Variants in MAML2 observed in about 807,000 individuals in gnomAD.
MAML2 encodes the protein mastermind-like protein 2.
MAML2 carries 22 observed loss-of-function variants against 96.1 expected under a neutral mutation model. The ratio of observed to expected loss-of-function variants is 0.23; its 90% CI spans 0.16 to 0.33. The LOEUF (loss-of-function observed/expected upper bound fraction) is 0.33. Ranked by LOEUF, MAML2 falls within the 10% of genes least tolerant of loss-of-function variation. The pLI, the probability that MAML2 is intolerant of heterozygous loss-of-function variation, is 1.00. For synonymous variants in MAML2, 561 were observed against 521.3 expected, an observed-to-expected ratio of 1.08 and a Z score of -1.04; for missense variants, 1,367 against 1,392.4, an observed-to-expected ratio of 0.98 and a Z score of 0.29.
At chr11:96,211,504 GT>G (rs1217364866) in intron 1 of MAML2, among the ~76,000 whole-genome samples, 7 of 151,442 alleles carry the variant, frequency 4.6e-5, no homozygotes, top group Non-Finnish European at 1.0e-4. Flanking sequence ...AGTCTGTTGG[GT>G]GAGACAGATG....
rs532347512 is a variant in MAML2, at chr11:96,048,079, T to C, written c.2139+43813A>G. 5.3e-5 allele frequency among the ~76,000 whole-genome samples: 8 copies of C among 151,988 alleles called. No homozygotes were observed. In the East Asian group the frequency reaches 1.5e-3, roughly 29 times the overall value. ...TTTGAGAAGCCAAGACGTTTTAGGG[T>C]TCATACCCACTCTGTGCTATCTCCA... On this transcript the variant is annotated intron_variant, in intron 2 of 4. Coordinates refer to ENST00000524717, the MANE Select transcript of MAML2 (RefSeq NM_032427.4).
At chr11:96,295,079 C>T (rs1863272240) in intron 1 of MAML2, among the ~76,000 whole-genome samples, 2 of 152,272 alleles carry the variant, frequency 1.3e-5, no homozygotes, top group South Asian at 4.1e-4. Flanking sequence ...ATGATCTTGC[C>T]TCTGCTAAAC....
At chr11:96,043,047 C>A (rs1169102721) in intron 2 of MAML2, among the ~76,000 whole-genome samples, 1 of 152,056 alleles carries the variant, frequency 6.6e-6, no homozygotes, top group Non-Finnish European at 1.5e-5. Context: ...CCCGGCGAAT[C>A]CTTAACATTC....
chr11:96,229,014 G>A (rs546095198), intron 1 of MAML2, among the ~76,000 whole-genome samples: 2 of 151,558 alleles, frequency 1.3e-5, no homozygotes, highest in African/African-American at 4.9e-5. Context: ...CTGAGGCATA[G>A]CTTTGTAGAA....
rs61749254 is a variant in MAML2 at position 96,093,510 on chromosome 11, C to A, written c.521G>T (p.Gly174Val). 3.8e-6 allele frequency: 6 copies of A among 1,593,006 alleles called. No individual in the cohort carries two copies. Among genetic ancestry groups the A allele is most frequent in the South Asian group, 1.1e-5 (1 of 87,456 alleles). Reference sequence around the variant, plus strand: ...AACTACCTGTTTTCTTTTCAAGGAACCCTGGAGCTGAAAGACAGAAGGGAA... The same window carrying A: ...AACTACCTGTTTTCTTTTCAAGGAAACCTGGAGCTGAAAGACAGAAGGGAA... ...QRNSALIALQ[G>V]SLKRKQVVNL... Residue 174 changes from glycine (G) to valine (V), a missense_variant, in exon 2 of 5, where the codon GGT becomes GTT. Gly to Val is a moderately radical substitution (Grantham distance 109). Coordinates refer to ENST00000524717, the MANE Select transcript of MAML2 (RefSeq NM_032427.4).
At chr11:96,299,706 C>T (rs1034606258) in intron 1 of MAML2, among the ~76,000 whole-genome samples, 41 of 152,322 alleles carry the variant, frequency 2.7e-4, no homozygotes, top group African/African-American at 6.7e-4. Flanking sequence ...GTTGTCCAAA[C>T]GCTCAGAGGC....
Position 96,272,191 on chromosome 11 carries a change from T to G in MAML2, c.513+69192A>C, listed in dbSNP as rs1482362795. On this transcript the variant is annotated intron_variant, in intron 1 of 4. Transcript: ENST00000524717. ...CCTATGCATTGTACTTGTGTTGTGT[T>G]GTGTTTTCTCTGCTAGAATGTAAGC... Among the ~76,000 whole-genome samples, 3 of 152,186 alleles carry G rather than the reference T, an allele frequency of 2.0e-5. No individual in the cohort carries two copies. The East Asian group carries it at 5.8e-4, about 29-fold the overall frequency.
At position 95,977,904 on chromosome 11, in the gene MAML2, T is replaced by C. The variant is rs1309482243; in HGVS notation, c.*1044A>G. The C allele has an allele frequency of 1.3e-5, 3 of 224,780 alleles. No individual in the cohort carries two copies. The highest frequency in any genetic ancestry group is 2.2e-5 in the African/African-American group (1 of 44,900). 13.9% of individuals were successfully genotyped at this position (224,780 alleles called of 1,614,324 possible). A position where few individuals can be genotyped will look rare whatever the true frequency, so the allele number is the denominator to read the frequency against. ...CTCCGTGAAATACATTTGTACACAC[T>C]GGTACTTGCCATCCCTGGTTCTTAT... On this transcript the variant is annotated 3_prime_UTR_variant, in exon 5 of 5. Transcript: ENST00000524717.
intron 1 of MAML2, among the ~76,000 whole-genome samples, chr11:96,308,898 A>T (rs1863501368): frequency 6.6e-6 from 1 of 152,258 alleles, no homozygotes; most frequent in Non-Finnish European, 1.5e-5. Context: ...TCATTTATCT[A>T]TACACAGTGA....
chr11:96,138,630 T>G (rs770459020), intron 1 of MAML2, among the ~76,000 whole-genome samples: 1 of 148,998 alleles, frequency 6.7e-6, no homozygotes, highest in Admixed American at 6.7e-5. Flanking sequence ...GATGGGGGGG[T>G]TGGTGAATAA....
chr11:96,331,684 G>T (rs1198632940), intron 1 of MAML2, among the ~76,000 whole-genome samples: 1 of 151,788 alleles, frequency 6.6e-6, no homozygotes, highest in Admixed American at 6.6e-5. Context: ...CGGGCGTGGT[G>T]GTGGGCGCCT....
intron 1 of MAML2, among the ~76,000 whole-genome samples, chr11:96,255,939 T>A (rs1862661255): frequency 6.8e-6 from 1 of 147,494 alleles, no homozygotes; most frequent in Non-Finnish European, 1.5e-5. Context: ...AATGGCGCGA[T>A]CTTGGCTTAC....
At chr11:96,255,453 G>GTGT in intron 1 of MAML2, among the ~76,000 whole-genome samples, 1 of 152,188 alleles carries the variant, frequency 6.6e-6, no homozygotes, top group Non-Finnish European at 1.5e-5. Context: ...GTCAAACACT[G>GTGT]TTGAGGAAAT....
At chr11:96,009,207 G>T (rs1396714515) in intron 2 of MAML2, among the ~76,000 whole-genome samples, 1 of 152,148 alleles carries the variant, frequency 6.6e-6, no homozygotes, top group African/African-American at 2.4e-5. Flanking sequence ...ATGGCCATTC[G>T]CATGTATAGC....
At chr11:96,030,035 C>T (rs1280046101) in intron 2 of MAML2, among the ~76,000 whole-genome samples, 1 of 152,034 alleles carries the variant, frequency 6.6e-6, no homozygotes, top group Non-Finnish European at 1.5e-5. Context: ...CGTTCGAGAC[C>T]AACCTGGCCA....
chr11:96,208,218 A>G (rs1350565222), intron 1 of MAML2, among the ~76,000 whole-genome samples: 2 of 152,154 alleles, frequency 1.3e-5, no homozygotes, highest in African/African-American at 4.8e-5. Flanking sequence ...GACTCCTCCA[A>G]TGGGGTTATT....
At chr11:96,201,290 G>GGGAGGAGTATGTGTGCGGGCTATGGC (rs1861818460) in intron 1 of MAML2, among the ~76,000 whole-genome samples, 1 of 152,142 alleles carries the variant, frequency 6.6e-6, no homozygotes, top group Non-Finnish European at 1.5e-5. Flanking sequence ...AGAGAGTAAG[G>GGGAGGAGTATGTGTGCGGGCTATGGC]GGAGGAGGAA....
intron 2 of MAML2, among the ~76,000 whole-genome samples, chr11:96,082,490 A>G (rs536779247): frequency 6.6e-6 from 1 of 152,302 alleles, no homozygotes; most frequent in Admixed American, 6.5e-5. Context: ...GAACTGCCTA[A>G]CAAAGTGGAC....
intron 1 of MAML2, among the ~76,000 whole-genome samples, chr11:96,136,310 T>C (rs1860631191): frequency 6.6e-6 from 1 of 152,188 alleles, no homozygotes; most frequent in Non-Finnish European, 1.5e-5. Context: ...TGTAGTTATA[T>C]GTATATATGT....
Sources: gnomAD v4.1 joint callset for allele counts (sites outside exome capture counted in the v4.1 genomes callset) on GRCh38, gnomAD v4.1.1 for gene constraint, MANE v1.5 for transcripts, NCBI Gene and HGNC (gene_info 2026-07-23, HGNC 2026-07-21) for gene names.